USP10: variants seen among roughly 807,000 people sequenced by gnomAD.
USP10 encodes ubiquitin carboxyl-terminal hydrolase 10.
A neutral mutation model predicts 84.5 loss-of-function variants in USP10; 22 were observed. That is an observed-to-expected ratio of 0.26 (90% CI 0.19 to 0.37). USP10 has a LOEUF of 0.37. USP10 is among the 10% of genes least tolerant of loss of function. USP10 has a pLI of 1.00. For missense variants in USP10, 1,019 were observed against 998.9 expected (o/e 1.02, Z -0.27); for synonymous variants, 454 against 387.6 (o/e 1.17, Z -2.01).
chr16:84,750,961 T>C (rs1911858821), intron 4 of USP10, among the ~76,000 whole-genome samples: 1 of 152,230 alleles, frequency 6.6e-6, no homozygotes, highest in South Asian at 2.1e-4. Context: ...AACAAAGTTA[T>C]TACAATTTGG....
At chr16:84,758,890 G>C in intron 5 of USP10, 83 bp downstream of exon 5, 1 of 959,344 alleles carries the variant, frequency 1.0e-6, no homozygotes, top group South Asian at 1.3e-5. Flanking sequence ...CTCAGCTTCC[G>C]TGGGCCATCT....
At chr16:84,732,606 C>A in intron 1 of USP10, 1 of 306,484 alleles carries the variant, frequency 3.3e-6, no homozygotes, top group South Asian at 2.4e-5. Context: ...GCCACCACGC[C>A]TGGCTAATTT....
At chr16:84,706,867 C>T (rs912512832) in intron 1 of USP10, among the ~76,000 whole-genome samples, 1 of 152,110 alleles carries the variant, frequency 6.6e-6, no homozygotes, top group East Asian at 1.9e-4. Flanking sequence ...TATTCAAGAC[C>T]TGAAGTAGGC....
Position 84,733,573 on chromosome 16 carries a change from TG to T in USP10, c.90+71del, listed in dbSNP as rs1016242304. On this transcript the variant is annotated intron_variant, in intron 2 of 13. Transcript: ENST00000219473. The stretch of plus-strand genomic sequence containing the variant: ...TAATAGTTATGTTTCTATTTTAATT[TG>T]TTTTTTTAAATAAAGAATTCCAATG... 7 of 1,208,374 alleles carry T rather than the reference TG, an allele frequency of 5.8e-6. No individual in the cohort carries two copies. The African/African-American group carries it at 6.3e-5, about 11-fold the overall frequency. The allele number at this position is 1,208,374 out of a possible 1,614,324, so 74.9% of individuals were successfully genotyped here. A position where few individuals can be genotyped will look rare whatever the true frequency, so the allele number is the denominator to read the frequency against.
chr16:84,713,777 G>A (rs1906625062), intron 1 of USP10, among the ~76,000 whole-genome samples: 1 of 152,220 alleles, frequency 6.6e-6, no homozygotes, highest in Non-Finnish European at 1.5e-5. Flanking sequence ...GCTCATGTTT[G>A]TGAGGAAAAT....
intron 1 of USP10, among the ~76,000 whole-genome samples, chr16:84,700,471 C>T (rs988685457): frequency 6.6e-6 from 1 of 151,952 alleles, no homozygotes; most frequent in Non-Finnish European, 1.5e-5. Context: ...GGAGGCGGCC[C>T]GGGGGCTCCG....
At chr16:84,705,434 T>C (rs921328008) in intron 1 of USP10, among the ~76,000 whole-genome samples, 1 of 152,058 alleles carries the variant, frequency 6.6e-6, no homozygotes, top group Non-Finnish European at 1.5e-5. Flanking sequence ...GGTTTCACCA[T>C]GTTAGCCAGG....
chr16:84,745,058 G>A lies in USP10; in HGVS notation c.577G>A (p.Asp193Asn). The A allele has an allele frequency of 1.2e-6, 2 of 1,613,688 alleles. No homozygotes were observed. Among genetic ancestry groups the A allele is most frequent in the South Asian group, 2.2e-5 (2 of 91,066 alleles). The change falls in exon 4 of 14, where the codon GAT (aspartate) becomes AAT (asparagine). Residue 193 changes from aspartate to asparagine, a missense_variant. This residue lies in a region of USP10 where 787 missense variants were observed against 708.8 expected (regional missense o/e 1.11). Coordinates refer to ENST00000219473, the MANE Select transcript of USP10 (RefSeq NM_005153.3). The stretch of plus-strand genomic sequence containing the variant: ...AGTCCCGAACAGTGTCAGTGCAGAG[G>A]ATGCAGAATTTATGGGTGACATGCC... ...SAVPNSVSAE[D>N]AEFMGDMPPS... is the part of the protein sequence containing the mutation.
chr16:84,703,919 T>TA (rs1905183478), intron 1 of USP10, among the ~76,000 whole-genome samples: 1 of 152,230 alleles, frequency 6.6e-6, no homozygotes, highest in Admixed American at 6.5e-5. Flanking sequence ...AATTCCTCAC[T>TA]AAAGCAAAAG....
chr16:84,749,062 G>A lies in USP10; in HGVS notation c.1192+3389G>A, dbSNP rs542753924. On this transcript the variant is annotated intron_variant, in intron 4 of 13. Transcript: ENST00000219473. Reference sequence around the variant, plus strand: ...CTTCGATAGACAGAACGTAGTTGTTGACAGTTTCAGGAGTCTCGTGAGATA... The same window carrying A: ...CTTCGATAGACAGAACGTAGTTGTTAACAGTTTCAGGAGTCTCGTGAGATA... Among the ~76,000 whole-genome samples, 20 of 152,210 alleles carry A rather than the reference G, an allele frequency of 1.3e-4. No individual in the cohort carries two copies. The Middle Eastern group carries it at 0.014, about 104-fold the overall frequency.
chr16:84,747,209 C>A (rs931106157), intron 4 of USP10, among the ~76,000 whole-genome samples: 5 of 152,168 alleles, frequency 3.3e-5, no homozygotes, highest in Admixed American at 2.6e-4. Flanking sequence ...AGATTGTCAC[C>A]CTAGTAGCCA....
At chr16:84,776,180 C>T (rs559933290) in intron 13 of USP10, among the ~76,000 whole-genome samples, 1 of 152,342 alleles carries the variant, frequency 6.6e-6, no homozygotes, top group Admixed American at 6.5e-5. Flanking sequence ...GAAGAAAACT[C>T]ACCACTCTGG....
intron 1 of USP10, among the ~76,000 whole-genome samples, chr16:84,703,331 A>T (rs933260326): frequency 1.3e-5 from 2 of 152,198 alleles, no homozygotes; most frequent in African/African-American, 2.4e-5. Flanking sequence ...TTATAGTGAA[A>T]TCTCCACAAT....
chr16:84,745,371 C>G lies in USP10; in HGVS notation c.890C>G (p.Thr297Arg), dbSNP rs191306276. ...GQILESSGEG[T>R]ATNGVELHTT... ...ATACTTGAATCCTCGGGTGAGGGCA[C>G]AGCTACCAACGGGGTGGAGTTGCAC... Residue 297 changes from threonine to arginine, a missense_variant, in exon 4 of 14, where the codon ACA (threonine) becomes AGA (arginine). Transcript: ENST00000219473. 9.7e-5 allele frequency: 157 copies of G among 1,613,336 alleles called. No individual in the cohort carries two copies. The highest frequency in any genetic ancestry group is 3.7e-5 in the Non-Finnish European group (44 of 1,179,722).
chr16:84,733,050 T>C (rs192274954), intron 1 of USP10: 15 of 456,098 alleles, frequency 3.3e-5, no homozygotes, highest in African/African-American at 2.4e-4. Flanking sequence ...TGCTTTTCTT[T>C]AGTATGTTTG....
chr16:84,704,972 G>A (rs1905286981), intron 1 of USP10: 5 of 1,440,968 alleles, frequency 3.5e-6, no homozygotes, highest in Non-Finnish European at 2.8e-6. Context: ...TGGAGTGCGG[G>A]CCCAGCACCT....
intron 2 of USP10, among the ~76,000 whole-genome samples, chr16:84,735,565 C>G (rs553834785): frequency 6.6e-6 from 1 of 152,082 alleles, no homozygotes; most frequent in African/African-American, 2.4e-5. Context: ...AATGCTTATT[C>G]ACGTCACAGA....
rs576095842 is a variant in USP10 at position 84,764,025 on chromosome 16, C to CTT, written c.1655-50_1655-49dup. 9.4e-4 allele frequency: 1,169 copies of CTT among 1,238,968 alleles called. 8 individuals are homozygous for CTT. The African/African-American group carries it at 0.013, about 14-fold the overall frequency. The allele number at this position is 1,238,968 out of a possible 1,614,324, so 76.7% of individuals were successfully genotyped here. ...AAAACTGCAATCGACAGATCTGTGC[C>CTT]TTTTTTTTTTTTGCTGTTCTTGTCG... On this transcript the variant is annotated intron_variant, in intron 9 of 13. Coordinates refer to ENST00000219473, the MANE Select transcript of USP10 (RefSeq NM_005153.3).
At chr16:84,757,568 C>G (rs1053046325) in intron 4 of USP10, among the ~76,000 whole-genome samples, 2 of 152,214 alleles carry the variant, frequency 1.3e-5, no homozygotes, top group South Asian at 2.1e-4. Flanking sequence ...ATGCTACTAT[C>G]AAATGTATGT....
Sources: gnomAD v4.1 joint callset for allele counts (sites outside exome capture counted in the v4.1 genomes callset) on GRCh38, gnomAD v4.1.1 for gene constraint, gnomAD v4.1.1 regional missense constraint, MANE v1.5 for transcripts, NCBI Gene and HGNC (gene_info 2026-07-23, HGNC 2026-07-21) for gene names.